ZFPM2: variants seen among roughly 807,000 people sequenced by gnomAD.
ZFPM2 encodes the protein zinc finger protein ZFPM2.
Under a neutral mutation model 98.6 loss-of-function variants are expected in ZFPM2, and 20 were observed. The ratio of observed to expected loss-of-function variants is 0.20; its 90% CI spans 0.14 to 0.29. The LOEUF (loss-of-function observed/expected upper bound fraction) is 0.29. ZFPM2 is among the 10% of genes least tolerant of loss of function. The pLI is 1.00. For missense variants in ZFPM2, 1,310 were observed against 1,388.6 expected, an observed-to-expected ratio of 0.94 and a Z score of 0.90; for synonymous variants, 518 against 502.7, an observed-to-expected ratio of 1.03 and a Z score of -0.41.
chr8:105,590,142 G>T (rs1302528947), intron 4 of ZFPM2, among the ~76,000 whole-genome samples: 1 of 152,098 alleles, frequency 6.6e-6, no homozygotes, highest in Non-Finnish European at 1.5e-5. Context: ...GGTTTTCTAG[G>T]CTGAAACTCC....
At chr8:105,496,307 C>T (rs566151832) in intron 3 of ZFPM2, among the ~76,000 whole-genome samples, 1 of 152,216 alleles carries the variant, frequency 6.6e-6, no homozygotes, top group Non-Finnish European at 1.5e-5. Flanking sequence ...CCACCACGCC[C>T]AGCCAGCATT....
At chr8:105,460,280 A>G (rs1451677497) in intron 3 of ZFPM2, among the ~76,000 whole-genome samples, 5 of 152,164 alleles carry the variant, frequency 3.3e-5, no homozygotes, top group African/African-American at 4.8e-5. Context: ...CAAATCCTGG[A>G]GAATTTAGAG....
chr8:105,487,658 G>C (rs1286380016), intron 3 of ZFPM2, among the ~76,000 whole-genome samples: 1 of 151,896 alleles, frequency 6.6e-6, no homozygotes, highest in Non-Finnish European at 1.5e-5. Context: ...TGGAGGGCCA[G>C]ATATTACCAA....
intron 5 of ZFPM2, chr8:105,675,890 T>C (rs553658575): frequency 6.6e-6 from 1 of 152,314 alleles, no homozygotes; most frequent in South Asian, 2.1e-4. Flanking sequence ...TTATTCCTAA[T>C]TGTATTTTAT....
intron 4 of ZFPM2, among the ~76,000 whole-genome samples, chr8:105,603,030 T>A (rs1388680854): frequency 6.6e-6 from 1 of 152,182 alleles, no homozygotes; most frequent in Non-Finnish European, 1.5e-5. Context: ...ATAAATGTAC[T>A]ATGATACATG....
intron 5 of ZFPM2, among the ~76,000 whole-genome samples, chr8:105,671,485 A>G (rs1166031762): frequency 3.3e-5 from 5 of 151,828 alleles, no homozygotes; most frequent in South Asian, 2.1e-4. Flanking sequence ...GTACATTATC[A>G]GAGGAAAAAA....
At chr8:105,511,213 A>G (rs1198489517) in intron 3 of ZFPM2, among the ~76,000 whole-genome samples, 1 of 152,262 alleles carries the variant, frequency 6.6e-6, no homozygotes, top group African/African-American at 2.4e-5. Context: ...CACTTCTGCT[A>G]GCTCCTTGCT....
At chr8:105,599,394 A>C (rs1407778480) in intron 4 of ZFPM2, among the ~76,000 whole-genome samples, 1 of 150,928 alleles carries the variant, frequency 6.6e-6, no homozygotes, top group South Asian at 2.1e-4. Flanking sequence ...TCGTCTTTAA[A>C]AAAAAAAAAA....
intron 1 of ZFPM2, among the ~76,000 whole-genome samples, chr8:105,351,520 C>T (rs953239372): frequency 1.1e-4 from 17 of 151,994 alleles, no homozygotes; most frequent in South Asian, 1.0e-3. Flanking sequence ...TTTGTACTTA[C>T]GTAAAAGATC....
chr8:105,744,661 T>C (rs1162525924), intron 5 of ZFPM2, among the ~76,000 whole-genome samples: 1 of 98 alleles, frequency 0.01, no homozygotes, highest in Non-Finnish European at 0.021. Context: ...AAAAGCTTCC[T>C]TGAAGAGTGA....
rs866838444 is a variant in ZFPM2 at position 105,661,756 on chromosome 8, G to T, written c.532+27399G>T. On this transcript the variant is annotated intron_variant, in intron 5 of 7. Coordinates refer to ENST00000407775, the MANE Select transcript of ZFPM2 (RefSeq NM_012082.4). ...GCACCATAAAGACTGAAATGTTAAA[G>T]AAAGCTGCAAGGAACAGCTTTGAGG... Among the ~76,000 whole-genome samples, 7 of 152,122 alleles carry T rather than the reference G, an allele frequency of 4.6e-5. No homozygotes were observed. In the South Asian group the frequency reaches 6.2e-4, roughly 14 times the overall value.
intron 5 of ZFPM2, among the ~76,000 whole-genome samples, chr8:105,688,166 A>G (rs890225691): frequency 1.3e-5 from 2 of 152,116 alleles, no homozygotes; most frequent in Non-Finnish European, 2.9e-5. Context: ...TAAGTTATGA[A>G]GAGCCTATAA....
At chr8:105,580,714 T>G (rs1228345372) in intron 4 of ZFPM2, among the ~76,000 whole-genome samples, 2 of 151,680 alleles carry the variant, frequency 1.3e-5, no homozygotes, top group African/African-American at 4.8e-5. Flanking sequence ...AAACACAAAC[T>G]AAGATATAGT....
At chr8:105,488,802 A>T (rs747727833) in intron 3 of ZFPM2, among the ~76,000 whole-genome samples, 9 of 152,248 alleles carry the variant, frequency 5.9e-5, no homozygotes, top group South Asian at 2.1e-4. Context: ...GGCCCAAAGT[A>T]AAAGAATTGG....
At chr8:105,489,338 A>G (rs1813303845) in intron 3 of ZFPM2, among the ~76,000 whole-genome samples, 1 of 147,252 alleles carries the variant, frequency 6.8e-6, no homozygotes, top group Non-Finnish European at 1.5e-5. Flanking sequence ...TTTCATGTAT[A>G]TGTAAAACGT....
chr8:105,767,669 A>G lies in ZFPM2; in HGVS notation c.533-21049A>G, dbSNP rs1812885489. Among the ~76,000 whole-genome samples, 3 of 151,918 alleles carry G rather than the reference A, an allele frequency of 2.0e-5. No individual in the cohort carries two copies. In the South Asian group the frequency reaches 6.2e-4, roughly 31 times the overall value. On this transcript the variant is annotated intron_variant, in intron 5 of 7. Transcript: ENST00000407775. ...ATTAGAAAATGGGTAAAGGAATGTA[A>G]TAACTTTCACTGGGGAAAAATAGAC...
At chr8:105,705,742 G>A (rs1811242890) in intron 5 of ZFPM2, among the ~76,000 whole-genome samples, 1 of 152,142 alleles carries the variant, frequency 6.6e-6, no homozygotes, top group Non-Finnish European at 1.5e-5. Context: ...TGGACCCAAA[G>A]GAAGGTCTAT....
intron 5 of ZFPM2, chr8:105,784,788 C>T (rs1813363308): frequency 6.9e-6 from 1 of 145,368 alleles, no homozygotes; most frequent in South Asian, 2.1e-4. Context: ...ATTGCCCAAA[C>T]ATCCGCCAAG....
At chr8:105,608,114 T>G (rs1348332872) in intron 4 of ZFPM2, among the ~76,000 whole-genome samples, 1 of 152,026 alleles carries the variant, frequency 6.6e-6, no homozygotes, top group Non-Finnish European at 1.5e-5. Flanking sequence ...TTTTCACTTG[T>G]AAATGGGAGC....
Sources: allele counts gnomAD v4.1 joint callset (sites outside exome capture counted in the v4.1 genomes callset), GRCh38; gene constraint gnomAD v4.1.1; transcripts MANE v1.5; gene names NCBI Gene and HGNC (gene_info 2026-07-23, HGNC 2026-07-21).